PTPRT: variants seen among roughly 807,000 people sequenced by gnomAD.
The protein encoded by PTPRT is receptor-type tyrosine-protein phosphatase T.
Under a neutral mutation model 176.8 loss-of-function variants are expected in PTPRT, and 56 were observed. The ratio of observed to expected loss-of-function variants is 0.32; its 90% CI spans 0.26 to 0.40. The LOEUF is 0.40. Among genes scored for constraint, PTPRT ranks in the 10% least tolerant of loss-of-function variants. The probability of loss-of-function intolerance (pLI) is 1.00; values close to 1 mark genes in which losing one functional copy is unlikely to be tolerated. For missense variants in PTPRT, 1,540 were observed against 1,908.2 expected (o/e 0.81, Z 3.60); for synonymous variants, 783 against 739.0 (o/e 1.06, Z -0.96).
intron 9 of PTPRT, among the ~76,000 whole-genome samples, chr20:42,398,120 C>T (rs2058869109): frequency 6.6e-6 from 1 of 151,916 alleles, no homozygotes; most frequent in East Asian, 1.9e-4. Flanking sequence ...TGGTATACTA[C>T]CTCAAGGTAT....
At chr20:42,043,422 G>A in the PTPRT span, among the ~76,000 whole-genome samples, 8 of 152,278 alleles carry the variant, frequency 5.3e-5, no homozygotes, top group Non-Finnish European at 8.8e-5. Context: ...TGTGAGACAC[G>A]CAATCATTTC....
chr20:42,558,972 G>C (rs1419123309), intron 7 of PTPRT, among the ~76,000 whole-genome samples: 1 of 152,114 alleles, frequency 6.6e-6, no homozygotes, highest in Non-Finnish European at 1.5e-5. Context: ...CGACTGGATG[G>C]TCCCCATCAA....
intron 15 of PTPRT, among the ~76,000 whole-genome samples, chr20:42,227,063 A>G (rs2056030005): frequency 6.6e-6 from 1 of 152,034 alleles, no homozygotes; most frequent in Admixed American, 6.6e-5. Flanking sequence ...AGAAAAGCCA[A>G]TGGGAGAGTC....
chr20:42,568,558 A>G (rs1229804538), intron 7 of PTPRT, among the ~76,000 whole-genome samples: 1 of 152,212 alleles, frequency 6.6e-6, no homozygotes, highest in African/African-American at 2.4e-5. Context: ...TCATAAAAAT[A>G]AATTCAATTT....
chr20:43,086,560 A>T (rs1431417100), intron 1 of PTPRT, among the ~76,000 whole-genome samples: 1 of 152,232 alleles, frequency 6.6e-6, no homozygotes, highest in Non-Finnish European at 1.5e-5. Context: ...ACTCAGTAAT[A>T]GGGAGTCATC....
At chr20:42,044,126 C>A in the PTPRT span, among the ~76,000 whole-genome samples, 1 of 152,172 alleles carries the variant, frequency 6.6e-6, no homozygotes, top group African/African-American at 2.4e-5. Context: ...CAGATAAGGA[C>A]AACATGGGGT....
intron 15 of PTPRT, among the ~76,000 whole-genome samples, chr20:42,233,975 C>CCAGCACA (rs2056187677): frequency 6.6e-6 from 1 of 152,128 alleles, no homozygotes; most frequent in Admixed American, 6.5e-5. Context: ...ACCCCAGCAC[C>CCAGCACA]CAGCACACAG....
chr20:42,553,594 TTC>T (rs760225444), intron 7 of PTPRT, among the ~76,000 whole-genome samples: 33 of 152,172 alleles, frequency 2.2e-4, no homozygotes, highest in Non-Finnish European at 3.5e-4. Flanking sequence ...CACTTTCATT[TTC>T]TTTCTTACAC....
At chr20:42,377,698 C>G (rs896128944) in intron 9 of PTPRT, among the ~76,000 whole-genome samples, 1 of 152,160 alleles carries the variant, frequency 6.6e-6, no homozygotes, top group African/African-American at 2.4e-5. Context: ...CCTGTGCTTC[C>G]GGTTGTGAGC....
At chr20:42,204,235 A>G (rs887866374) in intron 15 of PTPRT, among the ~76,000 whole-genome samples, 1 of 151,304 alleles carries the variant, frequency 6.6e-6, no homozygotes, top group African/African-American at 2.5e-5. Context: ...CAAAATATTC[A>G]TGGGAGTCAG....
At chr20:42,662,827 C>G (rs895261527) in intron 7 of PTPRT, among the ~76,000 whole-genome samples, 4 of 18,106 alleles carry the variant, frequency 2.2e-4, no homozygotes, top group Non-Finnish European at 3.5e-4. Flanking sequence ...GTCAATGATT[C>G]ACTAACTAAT....
chr20:42,519,354 A>G (rs2145489411), intron 7 of PTPRT, among the ~76,000 whole-genome samples: 1 of 152,188 alleles, frequency 6.6e-6, no homozygotes, highest in African/African-American at 2.4e-5. Context: ...CAATTTGTTT[A>G]ACTATTCACC....
At chr20:42,270,549 A>G (rs984813053) in intron 13 of PTPRT, 2 of 1,068,138 alleles carry the variant, frequency 1.9e-6, no homozygotes, top group African/African-American at 3.1e-5. Context: ...CAAAACTGCA[A>G]TTCTTGTGGC....
chr20:43,165,362 C>T (rs774357983), intron 1 of PTPRT, among the ~76,000 whole-genome samples: 3 of 152,066 alleles, frequency 2.0e-5, no homozygotes, highest in Admixed American at 2.0e-4. Context: ...GGGGTTTCAC[C>T]ATGTTGGTCA....
intron 9 of PTPRT, among the ~76,000 whole-genome samples, chr20:42,357,726 C>G (rs2058376690): frequency 6.6e-6 from 1 of 152,024 alleles, no homozygotes; most frequent in African/African-American, 2.4e-5. Context: ...CTGGGCAAAA[C>G]AGCGAGACCC....
chr20:42,480,838 AG>A (rs2071372179), intron 7 of PTPRT, among the ~76,000 whole-genome samples: 1 of 152,220 alleles, frequency 6.6e-6, no homozygotes, highest in Admixed American at 6.5e-5. Flanking sequence ...TGATAATAAA[AG>A]CAAGCCTTAG....
intron 1 of PTPRT, among the ~76,000 whole-genome samples, chr20:42,893,042 G>A (rs964572118): frequency 6.6e-6 from 1 of 152,002 alleles, no homozygotes; most frequent in East Asian, 1.9e-4. Flanking sequence ...AATCAGGCTG[G>A]GACCTTTAAG....
intron 1 of PTPRT, among the ~76,000 whole-genome samples, chr20:43,112,631 A>G (rs1023648346): frequency 6.6e-6 from 1 of 152,338 alleles, no homozygotes; most frequent in Admixed American, 6.5e-5. Flanking sequence ...TAAAATCAAT[A>G]GGGAGTGCAA....
At chr20:42,769,411 A>T (rs2077030817) in intron 5 of PTPRT, among the ~76,000 whole-genome samples, 1 of 152,194 alleles carries the variant, frequency 6.6e-6, no homozygotes, top group Non-Finnish European at 1.5e-5. Flanking sequence ...GTAAATTAAA[A>T]CTATAACGTG....
Sources: gnomAD v4.1 joint callset for allele counts (sites outside exome capture counted in the v4.1 genomes callset) on GRCh38, gnomAD v4.1.1 for gene constraint, MANE v1.5 for transcripts, NCBI Gene and HGNC (gene_info 2026-07-23, HGNC 2026-07-21) for gene names.